The following SENP1 variants were observed in gnomAD, a reference collection of about 807,000 sequenced individuals.
SENP1 encodes the protein SUMO specific peptidase 1, also known as sentrin-specific protease 1.
A neutral mutation model predicts 93.0 loss-of-function variants in SENP1; 21 were observed. The ratio of observed to expected loss-of-function variants is 0.23; its 90% CI spans 0.16 to 0.33. The LOEUF is 0.33. Among genes scored for constraint, SENP1 ranks in the 10% least tolerant of loss-of-function variants. The pLI is 1.00. For missense variants in SENP1, 591 were observed against 758.7 expected (o/e 0.78, Z 2.60); for synonymous variants, 256 against 259.6 (o/e 0.99, Z 0.13).
At chr12:48,084,248 A>G (rs775258278) in intron 5 of SENP1, among the ~76,000 whole-genome samples, 11 of 152,170 alleles carry the variant, frequency 7.2e-5, no homozygotes, top group Non-Finnish European at 1.5e-4. Flanking sequence ...AAATTTCCTT[A>G]AAGACCAACA....
intron 9 of SENP1, among the ~76,000 whole-genome samples, chr12:48,068,149 AC>A (rs1265629360): frequency 2.6e-5 from 4 of 152,182 alleles, no homozygotes; most frequent in Non-Finnish European, 5.9e-5. Flanking sequence ...TGCTAGGATT[AC>A]AGGCATGAGC....
chr12:48,060,871 C>T (rs1942913207), intron 13 of SENP1, among the ~76,000 whole-genome samples: 1 of 152,174 alleles, frequency 6.6e-6, no homozygotes, highest in African/African-American at 2.4e-5. Context: ...AGTCTTCTTG[C>T]CTCCTTTTGT....
chr12:48,049,201 T>C, intron 13 of SENP1, 69 bp from the exon 14 acceptor site: 1 of 1,133,020 alleles, frequency 8.8e-7, no homozygotes, highest in East Asian at 2.4e-5. Flanking sequence ...TTGCAGTTGC[T>C]GTGTTGAATA....
chr12:48,085,338 T>C, intron 5 of SENP1: 2 of 1,458,248 alleles, frequency 1.4e-6, no homozygotes, highest in Admixed American at 3.4e-5. Context: ...GGAGATCCCC[T>C]CCAAGGAGCA....
intron 8 of SENP1, among the ~76,000 whole-genome samples, chr12:48,073,886 T>C (rs1943889754): frequency 6.6e-6 from 1 of 152,214 alleles, no homozygotes; most frequent in Admixed American, 6.5e-5. Context: ...AAATAAAATG[T>C]ATCAAATCAT....
At chr12:48,102,163 G>A (rs908300558) in intron 1 of SENP1, among the ~76,000 whole-genome samples, 22 of 152,100 alleles carry the variant, frequency 1.4e-4, no homozygotes, top group Non-Finnish European at 2.6e-4. Context: ...AGTGGCTCAC[G>A]CCTGTAATCC....
chr12:48,046,304 G>A (rs753433569), intron 17 of SENP1, 52 bp downstream of exon 17: 14 of 1,229,902 alleles, frequency 1.1e-5, no homozygotes, highest in Non-Finnish European at 1.6e-5. Context: ...CATCTACAGG[G>A]CAGCTTGGAG....
At chr12:48,078,665 C>T (rs917146209) in intron 6 of SENP1, among the ~76,000 whole-genome samples, 5 of 151,952 alleles carry the variant, frequency 3.3e-5, no homozygotes, top group African/African-American at 1.2e-4. Context: ...GGATTACAGG[C>T]ACCCGCCACC....
At chr12:48,049,197 T>C (rs1205503052) in intron 13 of SENP1, 65 bp from the exon 14 acceptor site, 5 of 1,216,744 alleles carry the variant, frequency 4.1e-6, no homozygotes, top group Non-Finnish European at 4.8e-6. Context: ...ATAGTTGCAG[T>C]TGCTGTGTTG....
chr12:48,045,688 G>A (rs1195049515), intron 17 of SENP1, among the ~76,000 whole-genome samples: 1 of 152,160 alleles, frequency 6.6e-6, no homozygotes, highest in African/African-American at 2.4e-5. Flanking sequence ...GAACTTTTAA[G>A]AGGATATGAG....
chr12:48,047,730 T>C (rs1211884016), intron 15 of SENP1, among the ~76,000 whole-genome samples: 1 of 152,180 alleles, frequency 6.6e-6, no homozygotes, highest in Non-Finnish European at 1.5e-5. Context: ...TCTGAAAAAT[T>C]AGGAGGTTGG....
intron 13 of SENP1, among the ~76,000 whole-genome samples, chr12:48,056,041 T>A (rs1355120358): frequency 7.9e-6 from 1 of 126,766 alleles, no homozygotes; most frequent in African/African-American, 3.1e-5. Context: ...TAATATAGTA[T>A]AAATATATAC....
intron 5 of SENP1, among the ~76,000 whole-genome samples, chr12:48,088,347 G>A (rs1945017479): frequency 6.6e-6 from 1 of 152,166 alleles, no homozygotes; most frequent in Admixed American, 6.5e-5. Flanking sequence ...GAGTCACCGT[G>A]CCCGGTCTGT....
intron 2 of SENP1, among the ~76,000 whole-genome samples, chr12:48,098,498 C>A (rs551150752): frequency 7.2e-5 from 11 of 152,064 alleles, no homozygotes; most frequent in African/African-American, 2.7e-4. Context: ...CAAAAATTAG[C>A]CAGGCATGGT....
rs1344770839 is a variant in SENP1, at chr12:48,043,176, G to C, written c.*2146C>G. On this transcript the variant is annotated 3_prime_UTR_variant, in exon 18 of 18. Transcript: ENST00000549518. Reference sequence around the variant, plus strand: ...ACCTTGTGCAAAACTGCATTAGTCAGAAAGGGGGCCCAAATTCAGACAGGC... The same window carrying C: ...ACCTTGTGCAAAACTGCATTAGTCACAAAGGGGGCCCAAATTCAGACAGGC... The C allele has an allele frequency of 6.6e-6, 1 of 152,614 alleles. No individual in the cohort carries two copies. Among genetic ancestry groups the C allele is most frequent in the African/African-American group, 2.4e-5 (1 of 41,438 alleles). 9.5% of individuals were successfully genotyped at this position (152,614 alleles called of 1,614,324 possible).
chr12:48,059,397 T>C (rs1942808356), intron 13 of SENP1, among the ~76,000 whole-genome samples: 1 of 152,184 alleles, frequency 6.6e-6, no homozygotes, highest in Admixed American at 6.5e-5. Flanking sequence ...TATATATTTT[T>C]ATTTCAGATA....
At chr12:48,059,195 C>T (rs1354612264) in intron 13 of SENP1, among the ~76,000 whole-genome samples, 1 of 152,142 alleles carries the variant, frequency 6.6e-6, no homozygotes, top group East Asian at 1.9e-4. Context: ...CTTTTTCTAA[C>T]ACCACCTATG....
chr12:48,081,912 G>A (rs543070347), intron 6 of SENP1, among the ~76,000 whole-genome samples: 2 of 147,470 alleles, frequency 1.4e-5, no homozygotes, highest in African/African-American at 2.5e-5. Flanking sequence ...TTGTTGAGAC[G>A]GCTTCTCACT....
intron 6 of SENP1, among the ~76,000 whole-genome samples, chr12:48,076,678 C>T (rs1054210653): frequency 4.7e-5 from 7 of 149,072 alleles, no homozygotes; most frequent in African/African-American, 1.5e-4. Flanking sequence ...GAGTCTCACT[C>T]TGTCACCAGG....
Sources: gnomAD v4.1 joint callset for allele counts (sites outside exome capture counted in the v4.1 genomes callset) on GRCh38, gnomAD v4.1.1 for gene constraint, MANE v1.5 for transcripts, NCBI Gene and HGNC (gene_info 2026-07-23, HGNC 2026-07-21) for gene names.